FRMD4A: variants seen among roughly 807,000 people sequenced by gnomAD.
FRMD4A encodes FERM domain-containing protein 4A.
FRMD4A carries 29 observed loss-of-function variants against 129.1 expected under a neutral mutation model. That is an observed-to-expected ratio of 0.22 (90% confidence interval 0.17 to 0.31). FRMD4A has a LOEUF of 0.31. Ranked by LOEUF, FRMD4A falls within the 10% of genes least tolerant of loss-of-function variation. The probability of loss-of-function intolerance (pLI) is 1.00; values close to 1 mark genes in which losing one functional copy is unlikely to be tolerated. For synonymous variants in FRMD4A, 634 were observed against 571.6 expected, an observed-to-expected ratio of 1.11 and a Z score of -1.56; for missense variants, 1,272 against 1,375.8, an observed-to-expected ratio of 0.92 and a Z score of 1.19.
intron 2 of FRMD4A, among the ~76,000 whole-genome samples, chr10:14,270,866 T>C (rs1221828766): frequency 6.6e-6 from 1 of 152,210 alleles, no homozygotes; most frequent in Non-Finnish European, 1.5e-5. Context: ...TAGATAGATG[T>C]GAACTATATG....
intron 2 of FRMD4A, among the ~76,000 whole-genome samples, chr10:14,217,294 G>T (rs1425371527): frequency 6.6e-6 from 1 of 152,164 alleles, no homozygotes; most frequent in Non-Finnish European, 1.5e-5. Context: ...ATCTTGAATT[G>T]TAGCTCCCAT....
chr10:14,300,447 T>G (rs1846148375), intron 2 of FRMD4A, among the ~76,000 whole-genome samples: 1 of 152,180 alleles, frequency 6.6e-6, no homozygotes, highest in African/African-American at 2.4e-5. Flanking sequence ...CTCTTACTTA[T>G]TTGTTTCTTA....
At position 14,111,319 on chromosome 10, in the gene FRMD4A, T is replaced by C. The variant is rs182053072; in HGVS notation, c.45+218739A>G. On this transcript the variant is annotated intron_variant, in intron 2 of 24. Coordinates refer to ENST00000357447, the MANE Select transcript of FRMD4A (RefSeq NM_018027.5). ...CAATATTCTACCCTCGATTTATTTATTCTGCTTTTTAAAATCATGAGTCTG... is the reference window on the plus strand; with the variant it reads ...CAATATTCTACCCTCGATTTATTTACTCTGCTTTTTAAAATCATGAGTCTG... Among the ~76,000 whole-genome samples, 883 of 152,170 alleles carry C rather than the reference T, an allele frequency of 5.8e-3. 7 individuals carry two copies. The highest frequency in any genetic ancestry group is 0.018 in the African/African-American group (757 of 41,418).
intron 2 of FRMD4A, among the ~76,000 whole-genome samples, chr10:14,063,720 C>G (rs1466670421): frequency 6.6e-6 from 1 of 151,956 alleles, no homozygotes; most frequent in Non-Finnish European, 1.5e-5. Flanking sequence ...AGGGGATCAC[C>G]GTTTTAAACC....
At chr10:14,011,722 G>A (rs1322885896) in intron 2 of FRMD4A, among the ~76,000 whole-genome samples, 1 of 152,154 alleles carries the variant, frequency 6.6e-6, no homozygotes, top group African/African-American at 2.4e-5. Context: ...AGAACAGCAA[G>A]AGAAGGCGGG....
chr10:13,991,277 C>G (rs558996493), intron 2 of FRMD4A, among the ~76,000 whole-genome samples: 94 of 152,326 alleles, frequency 6.2e-4, no homozygotes, highest in African/African-American at 2.1e-3. Context: ...CTGGTGGGAA[C>G]AGAAAACCAG....
At chr10:13,884,144 T>TCACACACACACACA (rs773933481) in intron 2 of FRMD4A, among the ~76,000 whole-genome samples, 1 of 105,160 alleles carries the variant, frequency 9.5e-6, no homozygotes, top group Admixed American at 9.2e-5. Flanking sequence ...TCACACACAC[T>TCACACACACACACA]CTCACACACT....
In FRMD4A at chr10:13,654,392, G is replaced by A. The variant is rs369209502; in HGVS notation, c.3050+24C>T. On this transcript the variant is annotated intron_variant, in intron 23 of 24. Transcript: ENST00000357447. Reference sequence around the variant, plus strand: ...TGACACTCTTTCGAGCTGACACAGTGAAGAACATAGAAGGAGAACTCACCC... The same window carrying A: ...TGACACTCTTTCGAGCTGACACAGTAAAGAACATAGAAGGAGAACTCACCC... 37 of 1,442,714 alleles carry A rather than the reference G, an allele frequency of 2.6e-5. No individual in the cohort carries two copies. The African/African-American group carries it at 4.7e-4, about 18-fold the overall frequency. The allele number at this position is 1,442,714 out of a possible 1,614,324, so 89.4% of individuals were successfully genotyped here. A position where few individuals can be genotyped will look rare whatever the true frequency, so the allele number is the denominator to read the frequency against.
chr10:13,925,905 A>G (rs112193286), intron 2 of FRMD4A, among the ~76,000 whole-genome samples: 206 of 145,844 alleles, frequency 1.4e-3, no homozygotes, highest in Non-Finnish European at 2.1e-3. Context: ...TTTTTTTAGT[A>G]TAAAATTTCC....
chr10:13,694,755 T>C (rs753862324), intron 14 of FRMD4A, among the ~76,000 whole-genome samples: 1 of 151,840 alleles, frequency 6.6e-6, no homozygotes, highest in African/African-American at 2.4e-5. Flanking sequence ...GACAAGAGGA[T>C]TGCTTGAGCC....
intron 2 of FRMD4A, among the ~76,000 whole-genome samples, chr10:14,027,648 A>G (rs1397624908): frequency 6.6e-6 from 1 of 152,162 alleles, no homozygotes. Flanking sequence ...CAAAACAAAA[A>G]TCAAACAGTC....
intron 6 of FRMD4A, among the ~76,000 whole-genome samples, chr10:13,768,788 G>A (rs1588629329): frequency 6.6e-6 from 1 of 152,074 alleles, no homozygotes; most frequent in African/African-American, 2.4e-5. Context: ...CAGTAAAATG[G>A]GGATAACAAT....
At position 13,740,456 on chromosome 10, in the gene FRMD4A, G is replaced by A. The variant is rs940015481; in HGVS notation, c.614+56C>T. The A allele has an allele frequency of 4.2e-5, 43 of 1,028,886 alleles. 2 individuals are homozygous for A. The highest frequency in any genetic ancestry group is 3.8e-4 in the South Asian group (29 of 75,548). 63.7% of individuals were successfully genotyped at this position (1,028,886 alleles called of 1,614,324 possible). On this transcript the variant is annotated intron_variant, in intron 10 of 24. Coordinates refer to ENST00000357447, the MANE Select transcript of FRMD4A (RefSeq NM_018027.5). ...GAGGAACTGAACAATCCTGACATAC[G>A]ATATATTAACACACACAAACACTGT...
Position 14,219,466 on chromosome 10 carries a change from A to C in FRMD4A, c.45+110592T>G, listed in dbSNP as rs1843177995. 3.3e-5 allele frequency among the ~76,000 whole-genome samples: 5 copies of C among 152,338 alleles called. No individual in the cohort carries two copies. The South Asian group carries it at 8.3e-4, about 25-fold the overall frequency. ...TGCCATCAGAAATTTGCAAAGTAATATAACTCTTCCTATTCACAAATGAGG... is the reference window on the plus strand; with the variant it reads ...TGCCATCAGAAATTTGCAAAGTAATCTAACTCTTCCTATTCACAAATGAGG... On this transcript the variant is annotated intron_variant, in intron 2 of 24. Coordinates refer to ENST00000357447, the MANE Select transcript of FRMD4A (RefSeq NM_018027.5).
chr10:13,794,391 C>CAAA (rs5783349), intron 5 of FRMD4A, among the ~76,000 whole-genome samples: 3,421 of 101,918 alleles, frequency 0.034, 164 homozygotes, highest in African/African-American at 0.11. Context: ...GAATCCGTCT[C>CAAA]AAAAAAAAAA....
chr10:14,006,071 C>G (rs1336103644), intron 2 of FRMD4A, among the ~76,000 whole-genome samples: 1 of 152,208 alleles, frequency 6.6e-6, no homozygotes, highest in African/African-American at 2.4e-5. Flanking sequence ...CTCTCCTCCT[C>G]TTCTATAAAC....
chr10:14,317,821 T>C (rs1402996929), intron 2 of FRMD4A, among the ~76,000 whole-genome samples: 2 of 145,202 alleles, frequency 1.4e-5, no homozygotes, highest in African/African-American at 2.6e-5. Flanking sequence ...GCCAAAGGAG[T>C]CCAAAAAATA....
chr10:13,933,158 CAA>C (rs55912279), intron 2 of FRMD4A, among the ~76,000 whole-genome samples: 4 of 144,360 alleles, frequency 2.8e-5, no homozygotes, highest in African/African-American at 5.1e-5. Flanking sequence ...AACTCTGTCT[CAA>C]AAAAAAAAAA....
At chr10:13,974,360 T>C (rs984166626) in intron 2 of FRMD4A, among the ~76,000 whole-genome samples, 2 of 152,154 alleles carry the variant, frequency 1.3e-5, no homozygotes, top group Non-Finnish European at 2.9e-5. Context: ...CGTGCTTTAG[T>C]GGGGCTTGCT....
Sources: gnomAD v4.1 joint callset for allele counts (sites outside exome capture counted in the v4.1 genomes callset) on GRCh38, gnomAD v4.1.1 for gene constraint, MANE v1.5 for transcripts, NCBI Gene and HGNC (gene_info 2026-07-23, HGNC 2026-07-21) for gene names.